Variants in HECTD2 observed in about 807,000 individuals in gnomAD.
HECTD2 encodes the protein probable E3 ubiquitin-protein ligase HECTD2.
HECTD2 carries 35 observed loss-of-function variants against 103.2 expected under a neutral mutation model. The ratio of observed to expected loss-of-function variants is 0.34; its 90% CI spans 0.26 to 0.45. HECTD2 has a LOEUF of 0.45. Ranked by LOEUF, HECTD2 falls within the 20% of genes least tolerant of loss-of-function variation. The pLI is 1.00. For missense variants in HECTD2, 596 were observed against 937.4 expected, an observed-to-expected ratio of 0.64 and a Z score of 4.76; for synonymous variants, 281 against 329.9, an observed-to-expected ratio of 0.85 and a Z score of 1.61.
intron 1 of HECTD2, among the ~76,000 whole-genome samples, chr10:91,417,700 AT>A (rs374106635): frequency 3.5e-4 from 53 of 151,878 alleles, no homozygotes; most frequent in African/African-American, 1.2e-3. Flanking sequence ...TGAACTCATC[AT>A]TTTTTATGGC....
intron 5 of HECTD2, among the ~76,000 whole-genome samples, chr10:91,474,925 A>G (rs1421619391): frequency 6.6e-6 from 1 of 152,218 alleles, no homozygotes; most frequent in Admixed American, 6.5e-5. Flanking sequence ...AAGATCTGTG[A>G]GAGCAGCGCA....
In HECTD2 at chr10:91,491,206, C is replaced by A; in HGVS notation, c.1198C>A (p.Leu400Met). The A allele has an allele frequency of 6.5e-7, 1 of 1,529,872 alleles. No individual in the cohort carries two copies. The highest frequency in any genetic ancestry group is 9.0e-7 in the Non-Finnish European group (1 of 1,110,304). 94.8% of individuals were successfully genotyped at this position (1,529,872 alleles called of 1,614,324 possible). ...QQMINIARQSLVDKVSRRQRP... is the reference protein window; with the variant it reads ...QQMINIARQSMVDKVSRRQRP... ...TACTTTCTTATTTAATCAGCAAAGT[C>A]TGGTGGATAAAGTATCTCGAAGACA... is the stretch of plus-strand genomic sequence containing the variant. The change falls in exon 12 of 21, where the codon CTG becomes ATG. Residue 400 changes from leucine to methionine, a missense_variant. Leu to Met is a conservative substitution (Grantham distance 15, BLOSUM62 2). This residue lies in a region of HECTD2 where 303 missense variants were observed against 522.5 expected (regional missense o/e 0.58). Transcript: ENST00000298068.
chr10:91,503,125 G>A (rs1316599495), intron 20 of HECTD2, among the ~76,000 whole-genome samples: 2 of 152,166 alleles, frequency 1.3e-5, no homozygotes, highest in East Asian at 1.9e-4. Context: ...CTTTTCAAAA[G>A]AAGGCAACAT....
chr10:91,417,855 T>A (rs1004088062), intron 1 of HECTD2, among the ~76,000 whole-genome samples: 5 of 151,928 alleles, frequency 3.3e-5, no homozygotes, highest in African/African-American at 7.3e-5. Context: ...TAGCAGCATG[T>A]TTTATAATCC....
intron 2 of HECTD2, among the ~76,000 whole-genome samples, chr10:91,439,664 A>G (rs2133105608): frequency 6.6e-6 from 1 of 152,232 alleles, no homozygotes; most frequent in South Asian, 2.1e-4. Context: ...TCTATAAATT[A>G]CTTTGGGCAG....
Position 91,460,470 on chromosome 10 carries a change from G to C in HECTD2, c.312G>C (p.Gln104His). Reference protein sequence around the residue: ...PPICLDVRQKQRTSMDASSSE... With the variant: ...PPICLDVRQKHRTSMDASSSE... Reference sequence around the variant, plus strand: ...TTTGCCTTGATGTTAGACAAAAACAGCGTACATCTATGGATGCATCATCAT... The same window carrying C: ...TTTGCCTTGATGTTAGACAAAAACACCGTACATCTATGGATGCATCATCAT... Residue 104 changes from glutamine (Q) to histidine (H), a missense_variant, in exon 3 of 21, where the codon CAG becomes CAC. By Grantham distance (24) the Gln-to-His change is conservative. This residue lies in a region of HECTD2 where 220 missense variants were observed against 233.9 expected (regional missense o/e 0.94). Coordinates refer to ENST00000298068, the MANE Select transcript of HECTD2 (RefSeq NM_182765.6). The C allele has an allele frequency of 6.2e-7, 1 of 1,611,768 alleles. No individual in the cohort carries two copies. The highest frequency in any genetic ancestry group is 8.5e-7 in the Non-Finnish European group (1 of 1,178,762).
At chr10:91,461,222 A>C in intron 3 of HECTD2, 32 bp from the exon 4 acceptor site, 1 of 907,766 alleles carries the variant, frequency 1.1e-6, no homozygotes, top group Non-Finnish European at 1.7e-6. Flanking sequence ...ATATTTCTAT[A>C]TGTATATACG....
At chr10:91,454,683 T>C (rs1445328219) in intron 2 of HECTD2, among the ~76,000 whole-genome samples, 1 of 152,202 alleles carries the variant, frequency 6.6e-6, no homozygotes, top group Middle Eastern at 3.4e-3. Context: ...ACTCGTCATT[T>C]ACATTAGGTA....
chr10:91,493,352 CAT>C, intron 13 of HECTD2, 66 bp from the exon 14 acceptor site: 2 of 725,254 alleles, frequency 2.8e-6, no homozygotes, highest in Non-Finnish European at 4.4e-6. Flanking sequence ...ATGTCATGTA[CAT>C]GTTTACCACT....
intron 1 of HECTD2, among the ~76,000 whole-genome samples, chr10:91,418,391 A>C (rs1328940168): frequency 6.6e-6 from 1 of 152,132 alleles, no homozygotes; most frequent in Admixed American, 6.5e-5. Flanking sequence ...TTCAGGACTA[A>C]TGTTTGTAGG....
rs184775831 is a variant in HECTD2 at position 91,430,372 on chromosome 10, T to A, written c.268+4962T>A. ...TCTATTCTGTTGATTTGGGGTGGAG[T>A]GTTCTGTAGATGTCTATTAGGTCCG... On this transcript the variant is annotated intron_variant, in intron 2 of 20. Coordinates refer to ENST00000298068, the MANE Select transcript of HECTD2 (RefSeq NM_182765.6). 6.7e-3 allele frequency among the ~76,000 whole-genome samples: 1,021 copies of A among 151,948 alleles called. 7 individuals are homozygous for A. Among genetic ancestry groups the A allele is most frequent in the Non-Finnish European group, 9.8e-3 (666 of 67,922 alleles).
chr10:91,440,667 T>G (rs1844375150), intron 2 of HECTD2, among the ~76,000 whole-genome samples: 1 of 110,936 alleles, frequency 9.0e-6, no homozygotes, highest in Admixed American at 9.8e-5. Flanking sequence ...AGCTCCTCTT[T>G]GTATCTCTGG....
intron 13 of HECTD2, 40 bp from the exon 14 acceptor site, chr10:91,493,380 C>T: frequency 8.9e-7 from 1 of 1,121,878 alleles, no homozygotes; most frequent in Non-Finnish European, 1.3e-6. Flanking sequence ...TTTTTTAAGT[C>T]AATCATGTTA....
At chr10:91,506,751 G>A (rs1294938072) in intron 20 of HECTD2, among the ~76,000 whole-genome samples, 1 of 151,858 alleles carries the variant, frequency 6.6e-6, no homozygotes, top group African/African-American at 2.4e-5. Context: ...AGAAAAAGAG[G>A]GAATCCTCCC....
chr10:91,450,204 C>A (rs1564712460), intron 2 of HECTD2, among the ~76,000 whole-genome samples: 1 of 152,000 alleles, frequency 6.6e-6, no homozygotes, highest in Non-Finnish European at 1.5e-5. Context: ...AGCATAGAGA[C>A]CTCAGAAATA....
chr10:91,500,507 T>C lies in HECTD2; in HGVS notation c.1956T>C (p.Leu652=). Residue 652 remains leucine (L), a synonymous_variant, in exon 19 of 21, where the codon CTT becomes CTC. Coordinates refer to ENST00000298068, the MANE Select transcript of HECTD2 (RefSeq NM_182765.6). The stretch of plus-strand genomic sequence containing the variant: ...TGATAAATAATTATTGGCAGCTGCT[T>C]CGTCCAGAAGAGGTTGAAATTTTGG... ...SVCASNALML[L]RPEEVEILVC... 1 of 1,530,204 alleles carries C rather than the reference T, an allele frequency of 6.5e-7. No individual in the cohort carries two copies. Among genetic ancestry groups the C allele is most frequent in the Non-Finnish European group, 9.1e-7 (1 of 1,104,670 alleles). The allele number at this position is 1,530,204 out of a possible 1,614,324, so 94.8% of individuals were successfully genotyped here. A position where few individuals can be genotyped will look rare whatever the true frequency, so the allele number is the denominator to read the frequency against.
rs117588698 is a variant in HECTD2, at chr10:91,452,939, A to C, written c.269-7488A>C. ...TTGCCACTACATTTACTCTAAAAGA[A>C]TAAAGGAGTTCTCTAAACAGAAAGG... On this transcript the variant is annotated intron_variant, in intron 2 of 20. Transcript: ENST00000298068. Among the ~76,000 whole-genome samples, 1,139 of 152,280 alleles carry C rather than the reference A, an allele frequency of 7.5e-3. 47 individuals carry two copies. In the South Asian group the frequency reaches 0.11, roughly 15 times the overall value.
chr10:91,500,374 T>TA, intron 18 of HECTD2, 128 bp from the exon 19 acceptor site: 97 of 420,372 alleles, frequency 2.3e-4, no homozygotes, highest in East Asian at 4.0e-4. Flanking sequence ...CGATTTTTCT[T>TA]CAACAAAAAT....
chr10:91,461,292 A>C lies in HECTD2; in HGVS notation c.446A>C (p.Lys149Thr). The C allele has an allele frequency of 3.2e-6, 5 of 1,554,664 alleles. No individual in the cohort carries two copies. Among genetic ancestry groups the C allele is most frequent in the Non-Finnish European group, 4.3e-6 (5 of 1,152,236 alleles). ...VEKVKSSGDW[K>T]AVHDFYLTTF... ...AAAGTTAAGTCATCAGGAGATTGGA[A>C]AGCAGTACATGATTTTTATCTAACA... is the stretch of plus-strand genomic sequence containing the variant. Residue 149 changes from lysine to threonine, a missense_variant, in exon 4 of 21, where the codon AAA (lysine) becomes ACA (threonine). Around this residue, in one of 4 missense-constraint regions of HECTD2, gnomAD observed 220 missense variants for 233.9 expected, o/e 0.94. Coordinates refer to ENST00000298068, the MANE Select transcript of HECTD2 (RefSeq NM_182765.6).
Sources: allele counts gnomAD v4.1 joint callset (sites outside exome capture counted in the v4.1 genomes callset), GRCh38; gene constraint gnomAD v4.1.1; regional missense constraint gnomAD v4.1.1; transcripts MANE v1.5; gene names NCBI Gene and HGNC (gene_info 2026-07-23, HGNC 2026-07-21).